SLC25A31: variants seen among roughly 807,000 people sequenced by gnomAD.
SLC25A31 encodes the protein ADP/ATP translocase 4.
SLC25A31 carries 40 observed loss-of-function variants against 36.2 expected under a neutral mutation model. That is an observed-to-expected ratio of 1.10 (90% confidence interval 0.86 to 1.44). SLC25A31 has a LOEUF of 1.44. Among genes scored for constraint, SLC25A31 ranks in the 40% most tolerant of loss-of-function variants. The probability of loss-of-function intolerance (pLI) is 0.00; values close to 1 mark genes in which losing one functional copy is unlikely to be tolerated. For missense variants in SLC25A31, 350 were observed against 397.1 expected (o/e 0.88, Z 1.01); for synonymous variants, 143 against 149.7 (o/e 0.96, Z 0.32).
chr4:127,772,831 G>T lies in SLC25A31; in HGVS notation c.760-555G>T, dbSNP rs112715319. Among the ~76,000 whole-genome samples, 1,300 of 146,378 alleles carry T rather than the reference G, an allele frequency of 8.9e-3. 22 individuals carry two copies. Among genetic ancestry groups the T allele is most frequent in the African/African-American group, 0.031 (1,212 of 39,440 alleles). On this transcript the variant is annotated intron_variant, in intron 5 of 5. Coordinates refer to ENST00000281154, the MANE Select transcript of SLC25A31 (RefSeq NM_031291.4). ...GGGTCTTACCCTGTCACTTAGGCTAGAGTGCAATGGTGTGATCATGGCTCA... is the reference window on the plus strand; with the variant it reads ...GGGTCTTACCCTGTCACTTAGGCTATAGTGCAATGGTGTGATCATGGCTCA...
intron 4 of SLC25A31, among the ~76,000 whole-genome samples, chr4:127,768,145 A>G (rs1274987418): frequency 2.0e-5 from 3 of 151,902 alleles, no homozygotes; most frequent in African/African-American, 7.2e-5. Context: ...ATTATTTATT[A>G]GTATAATAAA....
intron 1 of SLC25A31, among the ~76,000 whole-genome samples, chr4:127,734,582 A>T (rs894857014): frequency 7.4e-5 from 10 of 135,574 alleles, no homozygotes; most frequent in Non-Finnish European, 1.6e-5. Flanking sequence ...AAAAAAAAAA[A>T]GATCCGTACA....
At chr4:127,749,603 G>T (rs866558174) in intron 2 of SLC25A31, among the ~76,000 whole-genome samples, 4 of 151,864 alleles carry the variant, frequency 2.6e-5, no homozygotes, top group Non-Finnish European at 5.9e-5. Context: ...AATTAGCTGG[G>T]TATGGTGAGG....
chr4:127,766,139 A>G (rs1732235825), intron 3 of SLC25A31, among the ~76,000 whole-genome samples: 1 of 125,220 alleles, frequency 8.0e-6, no homozygotes, highest in Middle Eastern at 4.4e-3. Context: ...ACAGTCCTGG[A>G]GTTTTTTTAT....
At chr4:127,731,005 G>A (rs1217286193) in intron 1 of SLC25A31, among the ~76,000 whole-genome samples, 1 of 152,216 alleles carries the variant, frequency 6.6e-6, no homozygotes, top group African/African-American at 2.4e-5. Context: ...GGAGACCACT[G>A]CCTTCTCTTT....
At chr4:127,761,141 T>C (rs990249224) in intron 2 of SLC25A31, among the ~76,000 whole-genome samples, 2 of 152,136 alleles carry the variant, frequency 1.3e-5, no homozygotes, top group Non-Finnish European at 2.9e-5. Context: ...TCTATTTCTG[T>C]CCTTCCTACC....
chr4:127,749,320 G>A (rs1008685658), intron 2 of SLC25A31, among the ~76,000 whole-genome samples: 1 of 152,114 alleles, frequency 6.6e-6, no homozygotes, highest in Non-Finnish European at 1.5e-5. Flanking sequence ...AGTACACAAT[G>A]AAGAAAAAGG....
rs749452091 is a variant in SLC25A31, at chr4:127,730,795, G to T, written c.232+18G>T. 7 of 1,591,258 alleles carry T rather than the reference G, an allele frequency of 4.4e-6. No individual in the cohort carries two copies. The South Asian group carries it at 4.4e-5, about 10-fold the overall frequency. On this transcript the variant is annotated intron_variant, in intron 1 of 5. Coordinates refer to ENST00000281154, the MANE Select transcript of SLC25A31 (RefSeq NM_031291.4). The stretch of plus-strand genomic sequence containing the variant: ...CGAGCAGGGTGCGTCAAGGCAGGCC[G>T]CCCCGACAGCCTCTCCCGGCGCCCT...
chr4:127,731,380 A>C (rs1731522644), intron 1 of SLC25A31, among the ~76,000 whole-genome samples: 1 of 152,064 alleles, frequency 6.6e-6, no homozygotes, highest in Non-Finnish European at 1.5e-5. Flanking sequence ...CCTAAAAAAA[A>C]AAAACCCAAC....
chr4:127,773,544 ATTCT>A lies in SLC25A31; in HGVS notation c.922_925del (p.Phe308IlefsTer19). 6.2e-7 allele frequency: 1 copy of A among 1,601,944 alleles called. No homozygotes were observed. The highest frequency in any genetic ancestry group is 8.5e-7 in the Non-Finnish European group (1 of 1,176,330). On this transcript the variant is annotated frameshift_variant, in exon 6 of 6. Coordinates refer to ENST00000281154, the MANE Select transcript of SLC25A31 (RefSeq NM_031291.4). LOFTEE classifies it high-confidence loss of function. ...TGGTATTATATGATAAAATTAAAGA[ATTCT>A]TTCATATTGATATTGGTGGTAGGTA... is the stretch of plus-strand genomic sequence containing the variant.
chr4:127,763,831 G>GA (rs1732187659), intron 2 of SLC25A31, among the ~76,000 whole-genome samples: 1 of 151,946 alleles, frequency 6.6e-6, no homozygotes, highest in African/African-American at 2.4e-5. Flanking sequence ...ACCCTTCACA[G>GA]AAAAAGGGCA....
intron 3 of SLC25A31, among the ~76,000 whole-genome samples, chr4:127,765,372 C>T (rs1378252070): frequency 6.6e-6 from 1 of 152,220 alleles, no homozygotes; most frequent in African/African-American, 2.4e-5. Context: ...TGAATTACCA[C>T]TCCTCCCTAT....
At chr4:127,770,169 T>C (rs1578674744) in intron 5 of SLC25A31, among the ~76,000 whole-genome samples, 1 of 152,336 alleles carries the variant, frequency 6.6e-6, no homozygotes, top group Middle Eastern at 3.4e-3. Flanking sequence ...GTGTTTCTTT[T>C]CTTTCTATAG....
chr4:127,738,331 A>G (rs1731670709), intron 1 of SLC25A31, among the ~76,000 whole-genome samples: 1 of 152,098 alleles, frequency 6.6e-6, no homozygotes, highest in South Asian at 2.1e-4. Context: ...CAGGCAATCT[A>G]CCTGGCTCAG....
intron 2 of SLC25A31, among the ~76,000 whole-genome samples, chr4:127,748,053 AG>A (rs1168236574): frequency 3.9e-5 from 6 of 152,180 alleles, no homozygotes; most frequent in African/African-American, 1.4e-4. Context: ...CTTGGTGTCC[AG>A]GGTTTTTCTT....
chr4:127,772,259 A>G (rs1045872142), intron 5 of SLC25A31, among the ~76,000 whole-genome samples: 1 of 152,200 alleles, frequency 6.6e-6, no homozygotes, highest in Non-Finnish European at 1.5e-5. Flanking sequence ...TAACAACTAT[A>G]GTATTATTCC....
rs377459295 is a variant in SLC25A31, at chr4:127,730,618, C to A, written c.73C>A (p.Leu25Met). Residue 25 changes from leucine to methionine, a missense_variant, in exon 1 of 6, where the codon CTG becomes ATG. Transcript: ENST00000281154. ...FDASSFGKDL[L>M]AGGVAAAVSK... ...CGCCTCATCCTTCGGGAAGGACCTT[C>A]TGGCCGGCGGAGTCGCGGCAGCTGT... The A allele has an allele frequency of 7.4e-6, 12 of 1,613,950 alleles. No individual in the cohort carries two copies. The highest frequency in any genetic ancestry group is 3.3e-5 in the Admixed American group (2 of 60,014).
At chr4:127,763,193 G>C (rs1230677711) in intron 2 of SLC25A31, among the ~76,000 whole-genome samples, 3 of 152,162 alleles carry the variant, frequency 2.0e-5, no homozygotes, top group African/African-American at 7.2e-5. Context: ...TATGGGAAGA[G>C]GGTATGATCA....
At position 127,773,471 on chromosome 4, in the gene SLC25A31, G is replaced by T. The variant is rs367726377; in HGVS notation, c.845G>T (p.Arg282Leu). 6.2e-7 allele frequency: 1 copy of T among 1,613,638 alleles called. No individual in the cohort carries two copies. The highest frequency in any genetic ancestry group is 2.2e-5 in the East Asian group (1 of 44,862). The change falls in exon 6 of 6, where the codon CGT becomes CTT. Residue 282 changes from arginine to leucine, a missense_variant. By Grantham distance (102) the Arg-to-Leu change is moderately radical. Coordinates refer to ENST00000281154, the MANE Select transcript of SLC25A31 (RefSeq NM_031291.4). ...CATGAAGGAATCAGTTCCTTTTTTC[G>T]TGGCGCCTTCTCCAATGTTCTTCGC... ...YQHEGISSFFRGAFSNVLRGT... is the reference protein window; with the variant it reads ...YQHEGISSFFLGAFSNVLRGT...
Sources: gnomAD v4.1 joint callset for allele counts (sites outside exome capture counted in the v4.1 genomes callset) on GRCh38, gnomAD v4.1.1 for gene constraint, MANE v1.5 for transcripts, NCBI Gene and HGNC (gene_info 2026-07-23, HGNC 2026-07-21) for gene names.